WDR3: variants seen among roughly 807,000 people sequenced by gnomAD.
WDR3 encodes WD repeat domain 3.
Under a neutral mutation model 123.7 loss-of-function variants are expected in WDR3, and 81 were observed. The observed-to-expected ratio is 0.65, with a 90% CI of 0.55 to 0.79. The LOEUF (loss-of-function observed/expected upper bound fraction) is 0.79. WDR3 is among the 30% of genes least tolerant of loss of function. The pLI is 0.00. For missense variants in WDR3, 1,027 were observed against 1,123.2 expected (o/e 0.91, Z 1.22); for synonymous variants, 390 against 388.8 (o/e 1.00, Z -0.04).
intron 1 of WDR3, among the ~76,000 whole-genome samples, 164 bp from the exon 2 acceptor site, chr1:117,933,124 A>C (rs1650793455): frequency 6.6e-6 from 1 of 152,030 alleles, no homozygotes; most frequent in South Asian, 2.1e-4. Flanking sequence ...GAATCGCTTG[A>C]ACCTAGGAGG....
chr1:117,944,270 T>C (rs1651289372), intron 11 of WDR3, among the ~76,000 whole-genome samples: 1 of 152,326 alleles, frequency 6.6e-6, no homozygotes, highest in African/African-American at 2.4e-5. Flanking sequence ...CTTTCTGTCT[T>C]TGACACACTC....
intron 21 of WDR3, 74 bp from the exon 22 acceptor site, chr1:117,953,933 A>G: frequency 1.6e-6 from 2 of 1,289,526 alleles, no homozygotes; most frequent in South Asian, 1.4e-5. Context: ...ATTTCTGGTC[A>G]GTTCTTCCAG....
At position 117,954,021 on chromosome 1, in the gene WDR3, G is replaced by A. The variant is rs780687943; in HGVS notation, c.2283G>A (p.Met761Ile). 1.7e-5 allele frequency: 27 copies of A among 1,611,486 alleles called. No individual in the cohort carries two copies. The highest frequency in any genetic ancestry group is 1.0e-4 in the Admixed American group (6 of 59,698). The change falls in exon 22 of 27, where the codon ATG becomes ATA. Residue 761 changes from methionine to isoleucine, a missense_variant. Coordinates refer to ENST00000349139, the MANE Select transcript of WDR3 (RefSeq NM_006784.3). The stretch of plus-strand genomic sequence containing the variant: ...ATCCTCTGTAGGCTGAGAGGATTAT[G>A]GAGGCTATTGAGTTGTACCGAGAAG... Reference protein sequence around the residue: ...IETVKAAERIMEAIELYREET... With the variant: ...IETVKAAERIIEAIELYREET...
intron 3 of WDR3, among the ~76,000 whole-genome samples, chr1:117,935,651 C>A (rs1465148797): frequency 6.6e-6 from 1 of 151,462 alleles, no homozygotes. Context: ...ATGCTATATA[C>A]CAAAATGAAA....
chr1:117,950,094 C>A lies in WDR3; in HGVS notation c.1710C>A (p.Asp570Glu). Residue 570 changes from aspartate to glutamate, a missense_variant, in exon 15 of 27, where the codon GAC becomes GAA. Physicochemically the swap from Asp to Glu is conservative, Grantham distance 45. Transcript: ENST00000349139. Reference sequence around the variant, plus strand: ...AGCTATTGGCTGTGTCTTTGCTGGACTGTACTGTGAAAATTTTCTACGTTG... The same window carrying A: ...AGCTATTGGCTGTGTCTTTGCTGGAATGTACTGTGAAAATTTTCTACGTTG... ...NQKLLAVSLL[D>E]CTVKIFYVDT... The A allele has an allele frequency of 6.2e-7, 1 of 1,613,848 alleles. No individual in the cohort carries two copies. The highest frequency in any genetic ancestry group is 8.5e-7 in the Non-Finnish European group (1 of 1,179,890).
intron 5 of WDR3, 24 bp from the exon 6 acceptor site, chr1:117,939,453 C>T (rs781603227): frequency 4.4e-6 from 7 of 1,604,256 alleles, no homozygotes; most frequent in African/African-American, 2.7e-5. Flanking sequence ...AATCGTATTA[C>T]TCAAATCTTT....
intron 15 of WDR3, 64 bp from the exon 16 acceptor site, chr1:117,950,770 T>C: frequency 7.5e-7 from 1 of 1,335,212 alleles, no homozygotes; most frequent in South Asian, 1.2e-5. Context: ...ATTTTAGACC[T>C]ACATGTAATA....
In WDR3 at chr1:117,940,948, ATTTTCATTTCTT is replaced by A; in HGVS notation, c.789+9_789+20del. On this transcript the variant is annotated intron_variant, in intron 7 of 26. Coordinates refer to ENST00000349139, the MANE Select transcript of WDR3 (RefSeq NM_006784.3). The stretch of plus-strand genomic sequence containing the variant: ...GATGAAGCCCCTGAGGATGTAATTC[ATTTTCATTTCTT>A]AAGTTTAATTGTGTTGAATAATGGG... The A allele has an allele frequency of 6.2e-7, 1 of 1,603,076 alleles. No homozygotes were observed.
Position 117,936,845 on chromosome 1 carries a change from C to G in WDR3, c.458C>G (p.Thr153Arg). Reference sequence around the variant, plus strand: ...CTAAAGGGGCACAAGGATGCCATCACACAAGCATTGTTTCTACGAGAAAAG... The same window carrying G: ...CTAAAGGGGCACAAGGATGCCATCAGACAAGCATTGTTTCTACGAGAAAAG... Reference protein sequence around the residue: ...YRLKGHKDAITQALFLREKNL... With the variant: ...YRLKGHKDAIRQALFLREKNL... Residue 153 changes from threonine to arginine, a missense_variant, in exon 4 of 27, where the codon ACA becomes AGA. By Grantham distance (71) the Thr-to-Arg change is moderately conservative (BLOSUM62 -1). Transcript: ENST00000349139. 6.2e-7 allele frequency: 1 copy of G among 1,613,420 alleles called. No homozygotes were observed. Among genetic ancestry groups the G allele is most frequent in the Non-Finnish European group, 8.5e-7 (1 of 1,179,488 alleles).
chr1:117,940,647 G>C (rs772815081), intron 6 of WDR3, among the ~76,000 whole-genome samples, 180 bp from the exon 7 acceptor site: 1 of 152,094 alleles, frequency 6.6e-6, no homozygotes, highest in African/African-American at 2.4e-5. Flanking sequence ...AGGATGGCTT[G>C]AGCCCAGGAG....
chr1:117,939,421 A>T (rs776233953), intron 5 of WDR3, 56 bp from the exon 6 acceptor site: 32 of 1,563,628 alleles, frequency 2.0e-5, no homozygotes, highest in Non-Finnish European at 2.7e-5. Flanking sequence ...ATGTCATATT[A>T]TGCTACCTGG....
At chr1:117,953,324 C>G in intron 20 of WDR3, 152 bp from the exon 21 acceptor site, 2 of 784,576 alleles carry the variant, frequency 2.5e-6, no homozygotes, top group South Asian at 1.6e-5. Context: ...TACAATAATA[C>G]ATATGCTAAG....
Position 117,941,217 on chromosome 1 carries a change from G to C in WDR3, c.883G>C (p.Ala295Pro). 1.2e-6 allele frequency: 2 copies of C among 1,614,050 alleles called. No individual in the cohort carries two copies. The highest frequency in any genetic ancestry group is 8.5e-7 in the Non-Finnish European group (1 of 1,179,958). Reference sequence around the variant, plus strand: ...AGTCGACAAGACAGGCAGGATTCTTGCTTGCCATGTGAGTACCATACTTAG... The same window carrying C: ...AGTCGACAAGACAGGCAGGATTCTTCCTTGCCATGTGAGTACCATACTTAG... ...LAVDKTGRIL[A>P]CHGTDSVLEL... The change falls in exon 8 of 27, where the codon GCT (alanine) becomes CCT (proline). Residue 295 changes from alanine (A) to proline (P), a missense_variant. Coordinates refer to ENST00000349139, the MANE Select transcript of WDR3 (RefSeq NM_006784.3).
chr1:117,937,286 C>T (rs1259044442), intron 4 of WDR3, among the ~76,000 whole-genome samples: 1 of 152,060 alleles, frequency 6.6e-6, no homozygotes, highest in Non-Finnish European at 1.5e-5. Context: ...CTTCATAGGC[C>T]TTCTGAACAC....
intron 10 of WDR3, among the ~76,000 whole-genome samples, chr1:117,943,150 G>A (rs1036700526): frequency 6.6e-6 from 1 of 151,820 alleles, no homozygotes. Context: ...ATGGTGTTTC[G>A]CCATGTTGGC....
At chr1:117,949,938 G>GC in intron 14 of WDR3, 57 bp from the exon 15 acceptor site, 1 of 1,611,996 alleles carries the variant, frequency 6.2e-7, no homozygotes, top group East Asian at 2.2e-5. Flanking sequence ...AAAGAGTTAG[G>GC]ATTTGTCTGA....
chr1:117,938,581 A>C, intron 5 of WDR3, 23 bp downstream of exon 5: 3 of 1,603,082 alleles, frequency 1.9e-6, no homozygotes, highest in Non-Finnish European at 2.6e-6. Context: ...TCATGGGCCC[A>C]GGGAAATAAT....
rs1462344648 is a variant in WDR3, at chr1:117,963,203, G to T, written c.*3756G>T. The T allele has an allele frequency of 6.6e-6, 1 of 152,152 alleles. No individual in the cohort carries two copies. The highest frequency in any genetic ancestry group is 1.5e-5 in the Non-Finnish European group (1 of 68,060). 9.4% of individuals were successfully genotyped at this position (152,152 alleles called of 1,614,324 possible). Reference sequence around the variant, plus strand: ...TGTATCCCTTCCCCTTGAGTATGGGGTCGGACCTAGTGACTGGCTTCTAGT... The same window carrying T: ...TGTATCCCTTCCCCTTGAGTATGGGTTCGGACCTAGTGACTGGCTTCTAGT... On this transcript the variant is annotated 3_prime_UTR_variant, in exon 27 of 27. Coordinates refer to ENST00000349139, the MANE Select transcript of WDR3 (RefSeq NM_006784.3).
chr1:117,943,801 G>A (rs1651270400), intron 11 of WDR3, among the ~76,000 whole-genome samples, 175 bp downstream of exon 11: 1 of 148,334 alleles, frequency 6.7e-6, no homozygotes, highest in South Asian at 2.2e-4. Context: ...TTAAAATGTG[G>A]TGCAAAAAAA....
Sources: allele counts gnomAD v4.1 joint callset (sites outside exome capture counted in the v4.1 genomes callset), GRCh38; gene constraint gnomAD v4.1.1; transcripts MANE v1.5; gene names NCBI Gene and HGNC (gene_info 2026-07-23, HGNC 2026-07-21).